Variants in NEGR1 observed in about 807,000 individuals in gnomAD.
NEGR1 encodes the protein neuronal growth regulator 1, also known as IgLON family member 4.
In NEGR1, 10 loss-of-function variants were observed where a neutral mutation model predicts 40.9. The ratio of observed to expected loss-of-function variants is 0.24; its 90% confidence interval spans 0.15 to 0.42. The LOEUF (loss-of-function observed/expected upper bound fraction) is 0.42, where lower values mean the gene tolerates loss of function less well. Among genes scored for constraint, NEGR1 ranks in the 10% least tolerant of loss-of-function variants. NEGR1 has a pLI of 1.00. For missense variants in NEGR1, 352 were observed against 438.9 expected (o/e 0.80, Z 1.77); for synonymous variants, 185 against 166.8 (o/e 1.11, Z -0.84).
chr1:72,077,670 C>T (rs968523826), intron 1 of NEGR1, among the ~76,000 whole-genome samples: 19 of 146,910 alleles, frequency 1.3e-4, no homozygotes, highest in African/African-American at 4.8e-4. Context: ...ATAAATAGGC[C>T]GGTGCAGTGG....
intron 1 of NEGR1, among the ~76,000 whole-genome samples, chr1:72,213,960 T>C (rs549308059): frequency 1.3e-5 from 2 of 151,778 alleles, no homozygotes; most frequent in East Asian, 1.9e-4. Flanking sequence ...GATGAGAAAA[T>C]CCTCAATAAA....
At chr1:72,168,007 T>TATTTA (rs34738636) in intron 1 of NEGR1, among the ~76,000 whole-genome samples, 2 of 68,896 alleles carry the variant, frequency 2.9e-5, no homozygotes, top group African/African-American at 1.0e-4. Flanking sequence ...TTATTATTAT[T>TATTTA]TTTTTTTTTT....
chr1:72,252,011 T>C (rs1655115155), intron 1 of NEGR1, among the ~76,000 whole-genome samples: 1 of 152,130 alleles, frequency 6.6e-6, no homozygotes, highest in Admixed American at 6.5e-5. Context: ...TATATAAGAG[T>C]ACATTTCTTC....
At chr1:71,834,242 T>C (rs1570410070) in intron 2 of NEGR1, among the ~76,000 whole-genome samples, 1 of 152,124 alleles carries the variant, frequency 6.6e-6, no homozygotes, top group East Asian at 1.9e-4. Context: ...ATGATGGTTA[T>C]TTTTACCTGT....
At chr1:72,182,423 G>T (rs1323280950) in intron 1 of NEGR1, among the ~76,000 whole-genome samples, 2 of 152,094 alleles carry the variant, frequency 1.3e-5, no homozygotes, top group Non-Finnish European at 2.9e-5. Context: ...AACCCGGGGG[G>T]TGGAGGTTGC....
intron 1 of NEGR1, among the ~76,000 whole-genome samples, chr1:72,018,235 C>T (rs1331211496): frequency 1.3e-5 from 2 of 151,994 alleles, no homozygotes; most frequent in African/African-American, 4.8e-5. Context: ...CTACTATGAG[C>T]CAGATATTTT....
intron 4 of NEGR1, among the ~76,000 whole-genome samples, chr1:71,657,872 T>C (rs910231417): frequency 2.6e-5 from 4 of 152,224 alleles, no homozygotes; most frequent in African/African-American, 9.6e-5. Flanking sequence ...TGGAAGTAAA[T>C]TAATAACTAT....
chr1:71,593,033 A>G (rs1304789147), intron 5 of NEGR1, 65 bp from the exon 6 acceptor site: 104 of 1,251,536 alleles, frequency 8.3e-5, no homozygotes, highest in Non-Finnish European at 1.2e-4. Context: ...TTTTTATCTT[A>G]GCTGGGGTTG....
At chr1:71,969,557 G>A (rs1046555184) in intron 1 of NEGR1, among the ~76,000 whole-genome samples, 2 of 152,160 alleles carry the variant, frequency 1.3e-5, no homozygotes, top group African/African-American at 4.8e-5. Context: ...GCCCTACCAT[G>A]CAGATCTATT....
chr1:71,873,413 G>A (rs1426612223), intron 2 of NEGR1, among the ~76,000 whole-genome samples: 2 of 152,012 alleles, frequency 1.3e-5, no homozygotes, highest in Admixed American at 1.3e-4. Flanking sequence ...AAATGTTTTG[G>A]AATAAAAATA....
At chr1:72,041,086 A>G (rs1293776535) in intron 1 of NEGR1, among the ~76,000 whole-genome samples, 1 of 152,092 alleles carries the variant, frequency 6.6e-6, no homozygotes, top group Non-Finnish European at 1.5e-5. Context: ...CTATAGACAA[A>G]GTACCACTAA....
At chr1:72,090,365 TAAAAAA>T (rs59316206) in intron 1 of NEGR1, among the ~76,000 whole-genome samples, 1 of 131,170 alleles carries the variant, frequency 7.6e-6, no homozygotes, top group African/African-American at 2.7e-5. Context: ...CTTTTTTTCT[TAAAAAA>T]AAAAAAAAAA....
chr1:72,094,291 G>A (rs967862323), intron 1 of NEGR1, among the ~76,000 whole-genome samples: 1 of 152,140 alleles, frequency 6.6e-6, no homozygotes, highest in Non-Finnish European at 1.5e-5. Flanking sequence ...TGTTTGGTGG[G>A]GGAGTATGAA....
intron 2 of NEGR1, among the ~76,000 whole-genome samples, chr1:71,820,054 G>C (rs985648181): frequency 5.9e-5 from 9 of 152,034 alleles, no homozygotes; most frequent in African/African-American, 1.9e-4. Context: ...AAGGGGCAAT[G>C]CGTCATTGTC....
chr1:72,021,142 C>T (rs954978235), intron 1 of NEGR1, among the ~76,000 whole-genome samples: 5 of 152,080 alleles, frequency 3.3e-5, no homozygotes, highest in African/African-American at 9.7e-5. Context: ...TTGAAAACCT[C>T]ATTTGCTTGG....
intron 1 of NEGR1, among the ~76,000 whole-genome samples, chr1:71,952,956 G>GAAA (rs1646085098): frequency 9.1e-6 from 1 of 110,244 alleles, no homozygotes; most frequent in African/African-American, 3.8e-5. Flanking sequence ...CTACTGCTCA[G>GAAA]GAAAAAAAAA....
At chr1:72,074,585 C>T (rs1647638888) in intron 1 of NEGR1, among the ~76,000 whole-genome samples, 1 of 151,808 alleles carries the variant, frequency 6.6e-6, no homozygotes, top group South Asian at 2.1e-4. Context: ...GACTTTTCGA[C>T]GTAAGTGAAA....
chr1:71,866,395 C>T (rs1295739282), intron 2 of NEGR1, among the ~76,000 whole-genome samples: 1 of 152,104 alleles, frequency 6.6e-6, no homozygotes, highest in African/African-American at 2.4e-5. Context: ...TAAGAATAGG[C>T]TAATCAAATA....
intron 2 of NEGR1, among the ~76,000 whole-genome samples, chr1:71,924,930 G>GAA (rs1355645714): frequency 5.0e-4 from 76 of 150,746 alleles, no homozygotes; most frequent in African/African-American, 1.8e-3. Context: ...GGTCTTATGT[G>GAA]TCCTAAAGAT....
Sources: allele counts gnomAD v4.1 joint callset (sites outside exome capture counted in the v4.1 genomes callset), GRCh38; gene constraint gnomAD v4.1.1; transcripts MANE v1.5; gene names NCBI Gene and HGNC (gene_info 2026-07-23, HGNC 2026-07-21).